Variants in PHAX observed in about 807,000 individuals in gnomAD.
PHAX encodes the protein phosphorylated adaptor for RNA export, also known as phosphorylated adapter RNA export protein.
PHAX carries 31 observed loss-of-function variants against 41.6 expected under a neutral mutation model. The ratio of observed to expected loss-of-function variants is 0.75; its 90% CI spans 0.56 to 1.01. PHAX has a LOEUF of 1.01. PHAX is among the 50% of genes least tolerant of loss of function. The pLI is 0.00. For missense variants in PHAX, 453 were observed against 472.9 expected (o/e 0.96, Z 0.39); for synonymous variants, 175 against 164.9 (o/e 1.06, Z -0.47).
intron 3 of PHAX, among the ~76,000 whole-genome samples, 156 bp downstream of exon 3, chr5:126,608,640 TAAAA>T (rs993159190): frequency 6.6e-6 from 1 of 151,368 alleles, no homozygotes; most frequent in Non-Finnish European, 1.5e-5. Flanking sequence ...TGAAGACTGT[TAAAA>T]AAAAATTAGT....
At chr5:126,621,389 T>C (rs34180949) in intron 4 of PHAX, among the ~76,000 whole-genome samples, 9,124 of 152,088 alleles carry the variant, frequency 0.06, 328 homozygotes, top group South Asian at 0.11. Context: ...CAGGGTCTTA[T>C]ATTGCCCAGT....
intron 3 of PHAX, among the ~76,000 whole-genome samples, chr5:126,610,165 G>C (rs867373772): frequency 6.6e-6 from 1 of 152,222 alleles, no homozygotes; most frequent in East Asian, 1.9e-4. Flanking sequence ...AGTTCCTGGG[G>C]TGGTAGAGCA....
intron 3 of PHAX, among the ~76,000 whole-genome samples, chr5:126,615,222 T>C (rs1184458267): frequency 6.6e-6 from 1 of 152,214 alleles, no homozygotes; most frequent in Non-Finnish European, 1.5e-5. Context: ...ATAATTTATA[T>C]GACTATGTGT....
At chr5:126,605,192 C>G (rs1751970368) in intron 2 of PHAX, among the ~76,000 whole-genome samples, 1 of 150,302 alleles carries the variant, frequency 6.7e-6, no homozygotes. Context: ...AAGAGATGGT[C>G]TTGCTCTGGT....
chr5:126,624,991 G>T lies in PHAX; in HGVS notation c.*147G>T, dbSNP rs1234147362. The T allele has an allele frequency of 8.8e-6, 6 of 683,174 alleles. No homozygotes were observed. In the South Asian group the frequency reaches 1.0e-4, roughly 12 times the overall value. The allele number at this position is 683,174 out of a possible 1,614,324, so 42.3% of individuals were successfully genotyped here. On this transcript the variant is annotated 3_prime_UTR_variant, in exon 5 of 5. Coordinates refer to ENST00000297540, the MANE Select transcript of PHAX (RefSeq NM_032177.4). ...TTCTTGTTTAAAATATGTGTGGAAA[G>T]GAATGCAATTGATAGAACATTTAAA...
In PHAX at chr5:126,604,142, GGAA is replaced by G; in HGVS notation, c.672_674del (p.Glu224del). On this transcript the variant is annotated inframe_deletion, in exon 2 of 5. Transcript: ENST00000297540. ...ATAAAGGTCGATACGAGATCACAGC[GGAA>G]GATTCTCAAGAGAAAGTGGCTGATG... The G allele has an allele frequency of 6.4e-7, 1 of 1,556,924 alleles. No individual in the cohort carries two copies. The highest frequency in any genetic ancestry group is 8.7e-7 in the Non-Finnish European group (1 of 1,154,454).
chr5:126,610,252 C>A (rs954546886), intron 3 of PHAX, among the ~76,000 whole-genome samples: 3 of 152,222 alleles, frequency 2.0e-5, no homozygotes, highest in Non-Finnish European at 2.9e-5. Flanking sequence ...GGCCAGATCA[C>A]GAGCACTGGC....
Position 126,603,736 on chromosome 5 carries a change from T to G in PHAX, c.263T>G (p.Phe88Cys). The change falls in exon 2 of 5, where the codon TTT (phenylalanine) becomes TGT (cysteine). Residue 88 changes from phenylalanine to cysteine, a missense_variant. Transcript: ENST00000297540. ...CLWKRKRQKC[F>C]NPPPKPEPFQ... ...TGGAAACGCAAACGACAGAAATGTT[T>G]TAACCCTCCTCCCAAACCAGAGCCT... 6.2e-7 allele frequency: 1 copy of G among 1,614,136 alleles called. No homozygotes were observed. The highest frequency in any genetic ancestry group is 8.5e-7 in the Non-Finnish European group (1 of 1,180,032).
intron 1 of PHAX, among the ~76,000 whole-genome samples, chr5:126,603,137 G>T (rs894160753): frequency 2.0e-5 from 3 of 151,796 alleles, no homozygotes; most frequent in Admixed American, 6.6e-5. Context: ...CCCTCAGGAG[G>T]CTGAGGTAGG....
intron 4 of PHAX, 46 bp from the exon 5 acceptor site, chr5:126,624,529 A>C: frequency 7.0e-7 from 1 of 1,423,504 alleles, no homozygotes; most frequent in Non-Finnish European, 9.6e-7. Flanking sequence ...ATAAACCTTT[A>C]ATAACGTGGT....
chr5:126,620,135 A>G (rs778990657), intron 4 of PHAX, among the ~76,000 whole-genome samples: 2 of 152,166 alleles, frequency 1.3e-5, no homozygotes, highest in African/African-American at 2.4e-5. Context: ...AGTCTGCTAT[A>G]TTGACATTCC....
intron 3 of PHAX, among the ~76,000 whole-genome samples, chr5:126,610,086 G>A (rs1752056894): frequency 6.6e-6 from 1 of 152,158 alleles, no homozygotes. Context: ...AGTACAAATA[G>A]GTATACAGTA....
At chr5:126,623,807 A>G (rs1752307236) in intron 4 of PHAX, among the ~76,000 whole-genome samples, 1 of 152,104 alleles carries the variant, frequency 6.6e-6, no homozygotes, top group African/African-American at 2.4e-5. Flanking sequence ...TTCTTTAAGA[A>G]TATAACAGGG....
At position 126,625,804 on chromosome 5, in the gene PHAX, C is replaced by G. The variant is rs541308526; in HGVS notation, c.*960C>G. On this transcript the variant is annotated 3_prime_UTR_variant, in exon 5 of 5. Coordinates refer to ENST00000297540, the MANE Select transcript of PHAX (RefSeq NM_032177.4). ...GCAGCTTCCATCTCCCAGGTTCAAG[C>G]GATCATGTGCCTAAGCCTCCTGAGT... is the stretch of plus-strand genomic sequence containing the variant. The G allele has an allele frequency of 6.6e-6, 1 of 151,986 alleles. No individual in the cohort carries two copies. Among genetic ancestry groups the G allele is most frequent in the East Asian group, 2.0e-4 (1 of 5,086 alleles). The allele number at this position is 151,986 out of a possible 1,614,324, so 9.4% of individuals were successfully genotyped here.
At chr5:126,616,875 C>A in intron 3 of PHAX, among the ~76,000 whole-genome samples, 2 of 132,770 alleles carry the variant, frequency 1.5e-5, no homozygotes, top group Admixed American at 7.7e-5. Flanking sequence ...AGTGAAACTC[C>A]ATCTCAAAAA....
chr5:126,605,125 A>G (rs973826160), intron 2 of PHAX, among the ~76,000 whole-genome samples: 4 of 151,596 alleles, frequency 2.6e-5, no homozygotes, highest in Non-Finnish European at 5.9e-5. Context: ...GGCCTCCCAA[A>G]GTGCTGGGAT....
At chr5:126,618,829 T>C (rs1430568292) in intron 4 of PHAX, among the ~76,000 whole-genome samples, 1 of 152,046 alleles carries the variant, frequency 6.6e-6, no homozygotes, top group East Asian at 1.9e-4. Flanking sequence ...CAGCTAATTT[T>C]TTGTATTTTA....
At chr5:126,608,141 A>G (rs575129945) in intron 2 of PHAX, among the ~76,000 whole-genome samples, 1 of 152,320 alleles carries the variant, frequency 6.6e-6, no homozygotes, top group South Asian at 2.1e-4. Flanking sequence ...AATAAGACAA[A>G]TAAGCCAATT....
intron 2 of PHAX, among the ~76,000 whole-genome samples, chr5:126,606,232 G>A (rs1446351809): frequency 6.6e-6 from 1 of 152,178 alleles, no homozygotes; most frequent in Non-Finnish European, 1.5e-5. Flanking sequence ...GTGTCACTCT[G>A]TTGCCCAGGC....
Sources: allele counts gnomAD v4.1 joint callset (sites outside exome capture counted in the v4.1 genomes callset), GRCh38; gene constraint gnomAD v4.1.1; transcripts MANE v1.5; gene names NCBI Gene and HGNC (gene_info 2026-07-23, HGNC 2026-07-21).